The following CLCN5 variants were observed in gnomAD, a reference collection of about 807,000 sequenced individuals.
The protein encoded by CLCN5 is Cl-/H+ antiporter 5.
CLCN5 carries 17 observed loss-of-function variants against 54.0 expected under a neutral mutation model. The observed-to-expected ratio is 0.31, with a 90% CI of 0.22 to 0.47. The LOEUF (loss-of-function observed/expected upper bound fraction) is 0.47. Ranked by LOEUF, CLCN5 falls within the 20% of genes least tolerant of loss-of-function variation. The pLI is 1.00. For synonymous variants in CLCN5, 222 were observed against 233.0 expected, an observed-to-expected ratio of 0.95 and a Z score of 0.43; for missense variants, 448 against 646.7, an observed-to-expected ratio of 0.69 and a Z score of 3.33.
chrX:49,934,990 T>G (rs1925864121), intron 3 of CLCN5, among the ~76,000 whole-genome samples: 1 of 111,959 alleles, frequency 8.9e-6, no homozygotes, highest in African/African-American at 3.2e-5. Context: ...CTTTCCTGTT[T>G]AGCTTTGAGA....
intron 3 of CLCN5, among the ~76,000 whole-genome samples, chrX:49,995,516 G>A (rs1929475164): frequency 8.9e-6 from 1 of 111,825 alleles, no homozygotes; most frequent in Non-Finnish European, 1.9e-5. Context: ...ATGTGTCTAA[G>A]TGCTATGTGA....
chrX:50,069,366 C>A, intron 4 of CLCN5: 1 of 182,549 alleles, frequency 5.5e-6, no homozygotes, highest in Non-Finnish European at 8.6e-6. Flanking sequence ...AAGTCTTATA[C>A]CTATTGAAGG....
intron 3 of CLCN5, among the ~76,000 whole-genome samples, chrX:49,941,554 C>T (rs1926332323): frequency 9.1e-6 from 1 of 110,204 alleles, no homozygotes; most frequent in South Asian, 3.9e-4. Context: ...CAATTCTTCC[C>T]TCCTTCATGC....
At chrX:50,019,320 T>A (rs1398598425) in intron 3 of CLCN5, among the ~76,000 whole-genome samples, 4 of 110,543 alleles carry the variant, frequency 3.6e-5, no homozygotes, top group Non-Finnish European at 7.6e-5. Flanking sequence ...TATTTTTACA[T>A]TGACATGTAA....
At chrX:49,993,427 G>T (rs1357164004) in intron 3 of CLCN5, among the ~76,000 whole-genome samples, 1 of 112,089 alleles carries the variant, frequency 8.9e-6, no homozygotes, top group African/African-American at 3.2e-5. Flanking sequence ...GCCAGGACAG[G>T]AGTAGGGAGG....
At chrX:49,982,395 G>A (rs782476922) in intron 3 of CLCN5, among the ~76,000 whole-genome samples, 8 of 110,740 alleles carry the variant, frequency 7.2e-5, no homozygotes, top group Non-Finnish European at 1.3e-4. Context: ...ACAAAGTAAA[G>A]AAATAGAACT....
intron 3 of CLCN5, chrX:50,003,235 G>A (rs1557180835): frequency 2.6e-6 from 1 of 382,740 alleles, no homozygotes; most frequent in Admixed American, 2.5e-5. Context: ...AGAAGAGCGA[G>A]CCTTCTCTTC....
chrX:50,052,237 T>A (rs181131080), intron 4 of CLCN5, among the ~76,000 whole-genome samples: 10 of 111,966 alleles, frequency 8.9e-5, no homozygotes, highest in Admixed American at 2.8e-4. Flanking sequence ...TAATCATGAA[T>A]GGATATTAAA....
intron 3 of CLCN5, among the ~76,000 whole-genome samples, chrX:50,002,556 A>G (rs1004775636): frequency 4.5e-5 from 5 of 110,737 alleles, no homozygotes; most frequent in Admixed American, 9.6e-5. Flanking sequence ...CATACTTCTC[A>G]CTTCCTCTAT....
chrX:49,929,177 C>G (rs186384436), intron 3 of CLCN5, among the ~76,000 whole-genome samples: 1 of 111,446 alleles, frequency 9.0e-6, no homozygotes, highest in African/African-American at 3.3e-5. Context: ...TCCTTAGGTT[C>G]TTGGCTCATT....
chrX:50,027,614 G>A (rs376582709), intron 3 of CLCN5, among the ~76,000 whole-genome samples: 21 of 111,013 alleles, frequency 1.9e-4, no homozygotes, highest in African/African-American at 4.3e-4. Flanking sequence ...CTGCTCTTGC[G>A]TGTTGTCCAC....
At position 50,075,987 on chromosome X, in the gene CLCN5, CAT is replaced by C. The variant is rs781921339; in HGVS notation, c.603+6_603+7del. Reference sequence around the variant, plus strand: ...CTTATCATCAGCACAGATGAGGTAACATGTAGTGATGTTTTATGAGCCATTGA... The same window carrying C: ...CTTATCATCAGCACAGATGAGGTAACGTAGTGATGTTTTATGAGCCATTGA... On this transcript the variant is annotated splice_donor_region_variant and intron_variant, in intron 7 of 14. Transcript: ENST00000376091. 35 of 1,195,108 alleles carry C rather than the reference CAT, an allele frequency of 2.9e-5. No homozygotes were observed. Among genetic ancestry groups the C allele is most frequent in the Non-Finnish European group, 4.0e-5 (35 of 881,402 alleles).
At chrX:50,002,637 GTCTCTC>G (rs1929897606) in intron 3 of CLCN5, among the ~76,000 whole-genome samples, 2 of 107,271 alleles carry the variant, frequency 1.9e-5, no homozygotes, top group African/African-American at 3.5e-5. Context: ...CTGTCTGTCT[GTCTCTC>G]TGTCTCTGTC....
At chrX:49,995,856 T>C (rs1161217391) in intron 3 of CLCN5, among the ~76,000 whole-genome samples, 1 of 111,721 alleles carries the variant, frequency 9.0e-6, no homozygotes, top group Non-Finnish European at 1.9e-5. Context: ...TTGGGAAATA[T>C]GAGAGTTTCA....
At chrX:50,002,803 T>C (rs1304193278) in intron 3 of CLCN5, among the ~76,000 whole-genome samples, 1 of 109,903 alleles carries the variant, frequency 9.1e-6, no homozygotes, top group Non-Finnish European at 1.9e-5. Context: ...GCATGCCAGA[T>C]TCTAAGCTTT....
intron 3 of CLCN5, among the ~76,000 whole-genome samples, chrX:49,955,895 T>G (rs190604647): frequency 3.1e-4 from 35 of 111,919 alleles, no homozygotes; most frequent in African/African-American, 1.1e-3. Flanking sequence ...CACAGATACT[T>G]TTGTGATTTG....
Position 50,090,195 on chromosome X carries a change from G to T in CLCN5, c.1824G>T (p.Leu608=). The T allele has an allele frequency of 8.3e-7, 1 of 1,211,144 alleles. No homozygotes were observed. The highest frequency in any genetic ancestry group is 1.7e-5 in the African/African-American group (1 of 57,829). ...LTGGLEYIVP[L]MAAAMTSKWV... is the part of the protein sequence containing the mutation. ...GTGGCTTAGAATACATCGTGCCTCT[G>T]ATGGCTGCAGCCATGACAAGCAAGT... The change falls in exon 13 of 15, where the codon CTG becomes CTT. Residue 608 remains leucine, a synonymous_variant. Coordinates refer to ENST00000376091, the MANE Select transcript of CLCN5 (RefSeq NM_001127898.4).
chrX:50,049,250 T>C (rs1557188079), intron 4 of CLCN5, among the ~76,000 whole-genome samples: 2 of 112,241 alleles, frequency 1.8e-5, no homozygotes, highest in Non-Finnish European at 1.9e-5. Flanking sequence ...TTTAGACACA[T>C]ACTTACCATT....
At chrX:50,023,030 C>A in intron 3 of CLCN5, among the ~76,000 whole-genome samples, 1 of 90,035 alleles carries the variant, frequency 1.1e-5, no homozygotes, top group African/African-American at 5.7e-5. Context: ...CCTGGGTATC[C>A]TTGTTGACTT....
Sources: gnomAD v4.1 joint callset for allele counts (sites outside exome capture counted in the v4.1 genomes callset) on GRCh38, gnomAD v4.1.1 for gene constraint, MANE v1.5 for transcripts, NCBI Gene and HGNC (gene_info 2026-07-23, HGNC 2026-07-21) for gene names.